The following NIPAL2 variants were observed in gnomAD, a reference collection of about 807,000 sequenced individuals.
NIPAL2 encodes the protein NIPA like domain containing 2.
Under a neutral mutation model 48.9 loss-of-function variants are expected in NIPAL2, and 43 were observed. That is an observed-to-expected ratio of 0.88 (90% CI 0.69 to 1.13). The LOEUF is 1.13. NIPAL2 is among the 50% of genes most tolerant of loss of function. The pLI, the probability that NIPAL2 is intolerant of heterozygous loss-of-function variation, is 0.00. For missense variants in NIPAL2, 446 were observed against 461.4 expected, an observed-to-expected ratio of 0.97 and a Z score of 0.31; for synonymous variants, 167 against 174.6, an observed-to-expected ratio of 0.96 and a Z score of 0.34.
chr8:98,216,983 G>A (rs907320263), intron 5 of NIPAL2: 3 of 847,696 alleles, frequency 3.5e-6, no homozygotes, highest in Non-Finnish European at 2.8e-6. Flanking sequence ...CTTTTAACAT[G>A]CTAACAGAGA....
chr8:98,199,460 T>C (rs7838769), intron 8 of NIPAL2, among the ~76,000 whole-genome samples: 81,308 of 151,862 alleles, frequency 0.54, 21,866 homozygotes, highest in South Asian at 0.64. Flanking sequence ...AATAATATAG[T>C]CAGATTTCAA....
Position 98,260,045 on chromosome 8 carries a change from G to A in NIPAL2, c.136-5958C>T, listed in dbSNP as rs56925017. ...CTAAGAAGGTGAGAGAGTGGAGTGC[G>A]GATACTGTGGATCACTTACAGTGAG... On this transcript the variant is annotated intron_variant, in intron 1 of 10. Coordinates refer to ENST00000430223, the MANE Select transcript of NIPAL2 (RefSeq NM_001321635.2). Among the ~76,000 whole-genome samples, 979 of 152,262 alleles carry A rather than the reference G, an allele frequency of 6.4e-3. 13 individuals carry two copies. Among genetic ancestry groups the A allele is most frequent in the African/African-American group, 0.022 (913 of 41,544 alleles).
rs35181455 is a variant in NIPAL2, at chr8:98,197,580, C to T, written c.881-1575G>A. On this transcript the variant is annotated intron_variant, in intron 8 of 10. Coordinates refer to ENST00000430223, the MANE Select transcript of NIPAL2 (RefSeq NM_001321635.2). Reference sequence around the variant, plus strand: ...ATTTGACTTGCAGTAGAAATTCTTTCAAAATCTCTACTTAATCTTCTCGAA... The same window carrying T: ...ATTTGACTTGCAGTAGAAATTCTTTTAAAATCTCTACTTAATCTTCTCGAA... Among the ~76,000 whole-genome samples, 1,044 of 152,330 alleles carry T rather than the reference C, an allele frequency of 6.9e-3. 5 individuals are homozygous for T. The highest frequency in any genetic ancestry group is 0.017 in the Middle Eastern group (5 of 294).
At chr8:98,230,401 CA>C (rs1163981724) in intron 4 of NIPAL2, among the ~76,000 whole-genome samples, 5 of 152,088 alleles carry the variant, frequency 3.3e-5, no homozygotes, top group Admixed American at 2.0e-4. Context: ...GATGCTCCAC[CA>C]AAAAAGGTCC....
At chr8:98,266,672 G>A (rs545982552) in intron 1 of NIPAL2, among the ~76,000 whole-genome samples, 1 of 151,960 alleles carries the variant, frequency 6.6e-6, no homozygotes, top group East Asian at 1.9e-4. Context: ...ATCAAAGAGG[G>A]CCAGAATTCA....
In NIPAL2 at chr8:98,294,154, C is replaced by T. The variant is rs1816649373; in HGVS notation, c.-17G>A. On this transcript the variant is annotated 5_prime_UTR_variant, in exon 1 of 11. Coordinates refer to ENST00000430223, the MANE Select transcript of NIPAL2 (RefSeq NM_001321635.2). ...CGCTGCCATGAGGTCTCGCTCCCGG[C>T]GCTCGGGCTCCGGCTCGGGCTGCGG... 2.2e-6 allele frequency: 3 copies of T among 1,367,540 alleles called. No individual in the cohort carries two copies. The highest frequency in any genetic ancestry group is 2.8e-6 in the Non-Finnish European group (3 of 1,059,892). The allele number at this position is 1,367,540 out of a possible 1,614,324, so 84.7% of individuals were successfully genotyped here. A position where few individuals can be genotyped will look rare whatever the true frequency, so the allele number is the denominator to read the frequency against.
chr8:98,224,252 C>T (rs929471055), intron 4 of NIPAL2, among the ~76,000 whole-genome samples: 6 of 152,290 alleles, frequency 3.9e-5, no homozygotes, highest in Non-Finnish European at 5.9e-5. Context: ...ACTAGTTTTC[C>T]TCCTCAAAGT....
Position 98,191,269 on chromosome 8 carries a change from G to A in NIPAL2, c.*1709C>T, listed in dbSNP as rs1282350871. The A allele has an allele frequency of 1.3e-5, 2 of 152,184 alleles. No individual in the cohort carries two copies. Among genetic ancestry groups the A allele is most frequent in the Non-Finnish European group, 2.9e-5 (2 of 68,034 alleles). The allele number at this position is 152,184 out of a possible 1,614,324, so 9.4% of individuals were successfully genotyped here. A position where few individuals can be genotyped will look rare whatever the true frequency, so the allele number is the denominator to read the frequency against. On this transcript the variant is annotated 3_prime_UTR_variant, in exon 11 of 11. Transcript: ENST00000430223. ...TTTTAAGAGTCACCAGAAATCTGTA[G>A]TTTAAGGCACCAGATACATTTCTTG...
Position 98,217,646 on chromosome 8 carries a change from T to C in NIPAL2, c.558+4833A>G, listed in dbSNP as rs142442589. The stretch of plus-strand genomic sequence containing the variant: ...AGTATAAAATTCATCACTTCTAGAG[T>C]CTTTAGAGATGCAATTATATAACGA... On this transcript the variant is annotated intron_variant, in intron 5 of 10. Coordinates refer to ENST00000430223, the MANE Select transcript of NIPAL2 (RefSeq NM_001321635.2). 1.8e-4 allele frequency among the ~76,000 whole-genome samples: 28 copies of C among 152,296 alleles called. No homozygotes were observed. The East Asian group carries it at 5.2e-3, about 28-fold the overall frequency.
At chr8:98,257,904 A>G (rs1040052641) in intron 1 of NIPAL2, among the ~76,000 whole-genome samples, 8 of 152,218 alleles carry the variant, frequency 5.3e-5, no homozygotes, top group African/African-American at 1.9e-4. Context: ...AGACGGAACC[A>G]ATGCACATCT....
chr8:98,272,529 A>G (rs1020811480), intron 1 of NIPAL2, among the ~76,000 whole-genome samples: 1 of 152,198 alleles, frequency 6.6e-6, no homozygotes, highest in African/African-American at 2.4e-5. Context: ...ATTACTGGTT[A>G]ATGTAGTGTA....
intron 3 of NIPAL2, among the ~76,000 whole-genome samples, chr8:98,238,642 A>C (rs1421508720): frequency 6.7e-6 from 1 of 148,208 alleles, no homozygotes; most frequent in East Asian, 2.0e-4. Context: ...GCTTTTTCTC[A>C]TTCTGGTTGA....
At chr8:98,226,471 T>G (rs1812177453) in intron 4 of NIPAL2, among the ~76,000 whole-genome samples, 1 of 152,240 alleles carries the variant, frequency 6.6e-6, no homozygotes, top group Non-Finnish European at 1.5e-5. Context: ...GCTGTAGTTC[T>G]TGCAGATTTG....
intron 1 of NIPAL2, among the ~76,000 whole-genome samples, chr8:98,266,904 G>A (rs1814795254): frequency 6.6e-6 from 1 of 151,958 alleles, no homozygotes; most frequent in Non-Finnish European, 1.5e-5. Flanking sequence ...GATACTAAGA[G>A]GTAATAATAA....
At chr8:98,241,869 T>C (rs1812997480) in intron 3 of NIPAL2, among the ~76,000 whole-genome samples, 1 of 152,182 alleles carries the variant, frequency 6.6e-6, no homozygotes, top group South Asian at 2.1e-4. Context: ...ATAGTTGGCA[T>C]TGTTATACTC....
chr8:98,222,823 T>C (rs752206889), intron 4 of NIPAL2, among the ~76,000 whole-genome samples: 1 of 152,172 alleles, frequency 6.6e-6, no homozygotes, highest in African/African-American at 2.4e-5. Flanking sequence ...GGACATAACT[T>C]CCAATTTTTC....
chr8:98,212,355 T>C (rs773712703), intron 6 of NIPAL2, 50 bp downstream of exon 6: 1 of 979,412 alleles, frequency 1.0e-6, no homozygotes. Flanking sequence ...ACCTCATTTA[T>C]GACTCAGCAC....
At chr8:98,254,952 A>T (rs1813790196) in intron 1 of NIPAL2, among the ~76,000 whole-genome samples, 1 of 152,138 alleles carries the variant, frequency 6.6e-6, no homozygotes. Flanking sequence ...GCCCACCTTG[A>T]CTTTCTCAGA....
intron 3 of NIPAL2, among the ~76,000 whole-genome samples, chr8:98,241,967 C>T (rs1051447071): frequency 6.6e-6 from 1 of 152,016 alleles, no homozygotes; most frequent in Non-Finnish European, 1.5e-5. Context: ...CACTAGACCA[C>T]AATGGCCATA....
Sources: allele counts gnomAD v4.1 joint callset (sites outside exome capture counted in the v4.1 genomes callset), GRCh38; gene constraint gnomAD v4.1.1; transcripts MANE v1.5; gene names NCBI Gene and HGNC (gene_info 2026-07-23, HGNC 2026-07-21).